SEC61A2: variants seen among roughly 807,000 people sequenced by gnomAD.
SEC61A2 encodes SEC61 translocon subunit alpha 2, also known as protein transport protein Sec61 subunit alpha isoform 2.
A neutral mutation model predicts 59.9 loss-of-function variants in SEC61A2; 28 were observed. That is an observed-to-expected ratio of 0.47 (90% confidence interval 0.35 to 0.64). The LOEUF (loss-of-function observed/expected upper bound fraction) is 0.64. Among genes scored for constraint, SEC61A2 ranks in the 30% least tolerant of loss-of-function variants. SEC61A2 has a pLI of 0.01. For synonymous variants in SEC61A2, 202 were observed against 214.4 expected, an observed-to-expected ratio of 0.94 and a Z score of 0.50; for missense variants, 340 against 585.9, an observed-to-expected ratio of 0.58 and a Z score of 4.33.
Position 12,158,161 on chromosome 10 carries a change from G to T in SEC61A2, c.975+56G>T, listed in dbSNP as rs1465669267. On this transcript the variant is annotated intron_variant, in intron 9 of 11. Transcript: ENST00000298428. This position sits in a 1 kb window ranked among gnomAD's most constrained non-coding sequence, Gnocchi z 5.7. ...AGTTTATTATAATTTGCATTTCATG[G>T]TTGTATTTTTAATGGAATGAGGTCG... 7.2e-7 allele frequency: 1 copy of T among 1,398,520 alleles called. No homozygotes were observed. Among genetic ancestry groups the T allele is most frequent in the East Asian group, 2.4e-5 (1 of 40,818 alleles). The allele number at this position is 1,398,520 out of a possible 1,614,324, so 86.6% of individuals were successfully genotyped here.
rs184166998 is a variant in SEC61A2, at chr10:12,148,219, G to A, written c.221-1376G>A. On this transcript the variant is annotated intron_variant, in intron 4 of 11. Transcript: ENST00000298428. ...CTCCCAAAGTGCTGGGATTACAGGCGTGAGCCACCATGCCCGGCCATTTTT... is the reference window on the plus strand; with the variant it reads ...CTCCCAAAGTGCTGGGATTACAGGCATGAGCCACCATGCCCGGCCATTTTT... Among the ~76,000 whole-genome samples, 1,080 of 145,726 alleles carry A rather than the reference G, an allele frequency of 7.4e-3. 16 individuals carry two copies. The highest frequency in any genetic ancestry group is 0.026 in the African/African-American group (1,010 of 39,454).
chr10:12,159,928 C>G (rs959013906), intron 9 of SEC61A2, among the ~76,000 whole-genome samples: 1 of 151,910 alleles, frequency 6.6e-6, no homozygotes, highest in Non-Finnish European at 1.5e-5. Context: ...GATAATAAGA[C>G]AGTAACTCAT....
intron 3 of SEC61A2, among the ~76,000 whole-genome samples, chr10:12,141,766 A>G (rs113750552): frequency 1.0e-3 from 157 of 152,276 alleles, no homozygotes; most frequent in African/African-American, 3.8e-3. Context: ...AGGTAGGATG[A>G]TTCCTTGCCC....
chr10:12,155,732 T>G lies in SEC61A2; in HGVS notation c.463-46T>G. 1.9e-6 allele frequency: 3 copies of G among 1,610,788 alleles called. No individual in the cohort carries two copies. Among genetic ancestry groups the G allele is most frequent in the Non-Finnish European group, 2.5e-6 (3 of 1,177,126 alleles). On this transcript the variant is annotated intron_variant, in intron 6 of 11. Coordinates refer to ENST00000298428, the MANE Select transcript of SEC61A2 (RefSeq NM_018144.4). This position sits in a 1 kb window ranked among gnomAD's most constrained non-coding sequence, Gnocchi z 4.3. ...CCAATGGTGTTCCTCTCCCCCTTTC[T>G]TGAGTTTGTTCTTGCTTCCGCTTAC...
intron 4 of SEC61A2, among the ~76,000 whole-genome samples, chr10:12,147,784 AT>A (rs1167777622): frequency 6.6e-6 from 1 of 151,844 alleles, no homozygotes; most frequent in Non-Finnish European, 1.5e-5. Context: ...AAAATGGCCA[AT>A]TTTTTTGCCA....
chr10:12,144,496 C>G (rs1834095084), intron 4 of SEC61A2, among the ~76,000 whole-genome samples: 1 of 152,182 alleles, frequency 6.6e-6, no homozygotes, highest in African/African-American at 2.4e-5. Context: ...CAAATACTTA[C>G]TGAGTTCATA....
rs548497863 is a variant in SEC61A2 at position 12,156,909 on chromosome 10, A to G, written c.619A>G (p.Thr207Ala). The G allele has an allele frequency of 6.2e-7, 1 of 1,613,588 alleles. No individual in the cohort carries two copies. Reference protein sequence around the residue: ...SPTTINTGRGTEFEGAVIALF... With the variant: ...SPTTINTGRGAEFEGAVIALF... ...TCGTGTCTGTCTTGATTTTACAGGT[A>G]CTGAGTTTGAGGGTGCAGTCATAGC... is the stretch of plus-strand genomic sequence containing the variant. The change falls in exon 8 of 12, where the codon ACT becomes GCT. Residue 207 changes from threonine (T) to alanine (A), a missense_variant and splice_region_variant. Physicochemically the swap from Thr to Ala is moderately conservative, Grantham distance 58. Coordinates refer to ENST00000298428, the MANE Select transcript of SEC61A2 (RefSeq NM_018144.4). This position sits in a 1 kb window ranked among gnomAD's most constrained non-coding sequence, Gnocchi z 5.2.
Position 12,165,328 on chromosome 10 carries a change from T to C in SEC61A2, c.*874T>C. 1.0e-6 allele frequency: 1 copy of C among 983,694 alleles called. No homozygotes were observed. Among genetic ancestry groups the C allele is most frequent in the Non-Finnish European group, 1.2e-6 (1 of 828,330 alleles). The allele number at this position is 983,694 out of a possible 1,614,324, so 60.9% of individuals were successfully genotyped here. A position where few individuals can be genotyped will look rare whatever the true frequency, so the allele number is the denominator to read the frequency against. On this transcript the variant is annotated 3_prime_UTR_variant, in exon 12 of 12. Coordinates refer to ENST00000298428, the MANE Select transcript of SEC61A2 (RefSeq NM_018144.4). ...GTTGTACTCACAGCAGCAACATGAG[T>C]GTAAACAGTAGACAATAAACTTTTA...
chr10:12,152,611 T>C lies in SEC61A2; in HGVS notation c.462+2650T>C, dbSNP rs1834302015. 6.6e-6 allele frequency among the ~76,000 whole-genome samples: 1 copy of C among 151,738 alleles called. No homozygotes were observed. The highest frequency in any genetic ancestry group is 2.1e-4 in the South Asian group (1 of 4,808). The stretch of plus-strand genomic sequence containing the variant: ...CCTGTCTCTACTAAAAACACAAAAA[T>C]TGGCCGGGTGCAGTGGCTCACACCT... On this transcript the variant is annotated intron_variant, in intron 6 of 11. Coordinates refer to ENST00000298428, the MANE Select transcript of SEC61A2 (RefSeq NM_018144.4). This position sits in a 1 kb window ranked among gnomAD's most constrained non-coding sequence, Gnocchi z 5.5.
At chr10:12,157,676 G>A (rs1451045654) in intron 8 of SEC61A2, among the ~76,000 whole-genome samples, 1 of 151,936 alleles carries the variant, frequency 6.6e-6, no homozygotes. Context: ...CTAATTTTTT[G>A]TATTTTAGTA....
In SEC61A2 at chr10:12,150,137, G is replaced by A. The variant is rs77060386; in HGVS notation, c.462+176G>A. On this transcript the variant is annotated intron_variant, in intron 6 of 11. Coordinates refer to ENST00000298428, the MANE Select transcript of SEC61A2 (RefSeq NM_018144.4). Reference sequence around the variant, plus strand: ...AATTTTTTTAAAACCTTCTGTCACCGTGACGTGTTCAAGTTGTGTTGACGT... The same window carrying A: ...AATTTTTTTAAAACCTTCTGTCACCATGACGTGTTCAAGTTGTGTTGACGT... 7.4e-3 allele frequency among the ~76,000 whole-genome samples: 1,124 copies of A among 152,100 alleles called. 12 individuals are homozygous for A. Among genetic ancestry groups the A allele is most frequent in the African/African-American group, 0.026 (1,084 of 41,466 alleles).
chr10:12,144,420 C>G (rs1266007462), intron 4 of SEC61A2, among the ~76,000 whole-genome samples: 7 of 152,150 alleles, frequency 4.6e-5, no homozygotes. Flanking sequence ...CTTACATGAG[C>G]TATTAATGGC....
At chr10:12,166,177 A>C (rs907767665), downstream of SEC61A2, 9 of 152,458 alleles carry the variant, frequency 5.9e-5, no homozygotes, top group African/African-American at 2.2e-4. Flanking sequence ...TGCAGAGGTC[A>C]TTCCCATGGG....
downstream of SEC61A2, chr10:12,165,690 A>ACTT (rs1291967131): frequency 2.0e-5 from 3 of 152,264 alleles, no homozygotes; most frequent in African/African-American, 7.2e-5. Context: ...AAAAGATCAA[A>ACTT]CTTAATTTTT....
downstream of SEC61A2, chr10:12,169,916 A>G (rs145705007): frequency 2.8e-5 from 14 of 496,440 alleles, no homozygotes; most frequent in East Asian, 4.0e-4. The surrounding 1 kb of genome is among the most constrained non-coding windows in gnomAD (Gnocchi z 4.8). Context: ...TCAGTTATCA[A>G]TTACCTAAAA....
intron 1 of SEC61A2, among the ~76,000 whole-genome samples, chr10:12,132,117 A>G (rs1833761856): frequency 6.7e-6 from 1 of 149,520 alleles, no homozygotes; most frequent in South Asian, 2.1e-4. Context: ...CCTGACCAAC[A>G]TGGTGAAACC....
chr10:12,129,655 C>A, upstream of SEC61A2: 1 of 849,126 alleles, frequency 1.2e-6, no homozygotes, highest in Non-Finnish European at 1.7e-6. The surrounding 1 kb of genome is among the most constrained non-coding windows in gnomAD (Gnocchi z 5.6). Context: ...GCGGAGTCTG[C>A]GCGGGGTTGG....
intron 8 of SEC61A2, among the ~76,000 whole-genome samples, chr10:12,157,576 A>C (rs1473221784): frequency 3.5e-5 from 5 of 143,878 alleles, no homozygotes; most frequent in South Asian, 2.2e-4. Flanking sequence ...AATCCCGGCT[A>C]ACTGCAACCT....
At position 12,129,684 on chromosome 10, in the gene SEC61A2, C is replaced by G. The variant is rs1474002917; in HGVS notation, c.-104C>G. On this transcript the variant is annotated 5_prime_UTR_variant, in exon 1 of 12. Transcript: ENST00000298428. The surrounding 1 kb of genome is among the most constrained non-coding windows in gnomAD (Gnocchi z 5.6). ...GGGTTGGGCGGAGCCTGCGCGGGGCCGGTAGGATCGCGTCGGGAGCCGGTA... is the reference window on the plus strand; with the variant it reads ...GGGTTGGGCGGAGCCTGCGCGGGGCGGGTAGGATCGCGTCGGGAGCCGGTA... 2.6e-6 allele frequency: 3 copies of G among 1,152,202 alleles called. No individual in the cohort carries two copies. The highest frequency in any genetic ancestry group is 1.6e-5 in the African/African-American group (1 of 62,376). 71.4% of individuals were successfully genotyped at this position (1,152,202 alleles called of 1,614,324 possible). A position where few individuals can be genotyped will look rare whatever the true frequency, so the allele number is the denominator to read the frequency against.
Sources: allele counts gnomAD v4.1 joint callset (sites outside exome capture counted in the v4.1 genomes callset), GRCh38; gene constraint gnomAD v4.1.1; non-coding constraint Gnocchi (gnomAD v3.1); transcripts MANE v1.5; gene names NCBI Gene and HGNC (gene_info 2026-07-23, HGNC 2026-07-21).